Variants in SYTL3 observed in about 807,000 individuals in gnomAD.
The protein encoded by SYTL3 is synaptotagmin like 3, also known as synaptotagmin-like protein 3.
In SYTL3, 88 loss-of-function variants were observed where a neutral mutation model predicts 82.1. That is an observed-to-expected ratio of 1.07 (90% CI 0.90 to 1.28). SYTL3 has a LOEUF of 1.28. Among genes scored for constraint, SYTL3 ranks in the 50% most tolerant of loss-of-function variants. SYTL3 has a pLI of 0.00. For synonymous variants in SYTL3, 311 were observed against 289.4 expected (o/e 1.07, Z -0.76); for missense variants, 831 against 757.6 (o/e 1.10, Z -1.14).
chr6:158,763,262 G>A (rs373723948), intron 16 of SYTL3, 42 bp from the exon 17 acceptor site: 53 of 1,592,222 alleles, frequency 3.3e-5, no homozygotes, highest in African/African-American at 2.5e-4. Context: ...AGAGAAGGCC[G>A]TGTGGATGGC....
At chr6:158,722,052 T>C (rs1340963479) in intron 10 of SYTL3, among the ~76,000 whole-genome samples, 1 of 152,232 alleles carries the variant, frequency 6.6e-6, no homozygotes, top group Non-Finnish European at 1.5e-5. Flanking sequence ...ATATTAATTA[T>C]AGAACACGGT....
At chr6:158,710,024 G>A (rs956154153) in intron 8 of SYTL3, among the ~76,000 whole-genome samples, 1 of 152,168 alleles carries the variant, frequency 6.6e-6, no homozygotes, top group Non-Finnish European at 1.5e-5. Context: ...AACAGAGCGC[G>A]ACTGTCTCTA....
intron 12 of SYTL3, among the ~76,000 whole-genome samples, chr6:158,751,104 G>A (rs557785058): frequency 1.3e-5 from 2 of 152,264 alleles, no homozygotes; most frequent in South Asian, 2.1e-4. Flanking sequence ...CCTCCTGGCC[G>A]ATTTCGAGTA....
chr6:158,667,567 C>CT (rs1261086694), intron 5 of SYTL3, among the ~76,000 whole-genome samples: 1 of 152,182 alleles, frequency 6.6e-6, no homozygotes, highest in East Asian at 1.9e-4. Flanking sequence ...ACTTTAGAAT[C>CT]TTTGACATTC....
At chr6:158,654,049 G>C (rs1337213849) in intron 2 of SYTL3, among the ~76,000 whole-genome samples, 2 of 152,150 alleles carry the variant, frequency 1.3e-5, no homozygotes, top group Non-Finnish European at 2.9e-5. Context: ...AAGATTTGCT[G>C]TTAGGCTGAG....
chr6:158,675,763 T>C (rs1204004955), intron 5 of SYTL3, among the ~76,000 whole-genome samples: 3 of 152,122 alleles, frequency 2.0e-5, no homozygotes, highest in Non-Finnish European at 4.4e-5. Context: ...CTGGCTAACA[T>C]GGTGAAACCC....
intron 11 of SYTL3, among the ~76,000 whole-genome samples, chr6:158,735,058 G>A (rs976453040): frequency 2.0e-5 from 3 of 152,124 alleles, no homozygotes; most frequent in East Asian, 1.9e-4. Flanking sequence ...TCCCACAGGC[G>A]TTTTGTACTC....
chr6:158,685,092 T>G (rs776434789), intron 6 of SYTL3, among the ~76,000 whole-genome samples: 6 of 152,288 alleles, frequency 3.9e-5, no homozygotes, highest in Non-Finnish European at 8.8e-5. Context: ...TAGGTAAGAT[T>G]TGCTACCAAT....
chr6:158,645,006 T>A, the SYTL3 span, among the ~76,000 whole-genome samples: 1 of 152,130 alleles, frequency 6.6e-6, no homozygotes, highest in Non-Finnish European at 1.5e-5. Context: ...AAAACACACG[T>A]ACAAAAGGCA....
chr6:158,710,563 A>G (rs1782648782), intron 8 of SYTL3, among the ~76,000 whole-genome samples: 1 of 152,186 alleles, frequency 6.6e-6, no homozygotes, highest in African/African-American at 2.4e-5. Context: ...AAGTGTCTGT[A>G]ATTTTTACCT....
In SYTL3 at chr6:158,764,688, C is replaced by A; in HGVS notation, c.*84C>A. 1 of 945,226 alleles carries A rather than the reference C, an allele frequency of 1.1e-6. No individual in the cohort carries two copies. 58.6% of individuals were successfully genotyped at this position (945,226 alleles called of 1,614,324 possible). On this transcript the variant is annotated 3_prime_UTR_variant, in exon 18 of 18. Transcript: ENST00000611299. ...GGGCTACGAACCAGGTGCAGGGTCC[C>A]AGCTGGAGACCCCTTTGACCTTGAG...
intron 9 of SYTL3, among the ~76,000 whole-genome samples, chr6:158,716,768 C>T (rs913377597): frequency 1.3e-5 from 2 of 152,110 alleles, no homozygotes; most frequent in Non-Finnish European, 2.9e-5. Flanking sequence ...GGATCCAAAG[C>T]CAGCCGGGGG....
At chr6:158,654,594 C>T (rs555429355) in intron 2 of SYTL3, among the ~76,000 whole-genome samples, 11 of 152,284 alleles carry the variant, frequency 7.2e-5, no homozygotes, top group African/African-American at 2.4e-4. Flanking sequence ...CCTTTTGAGT[C>T]GGGCTTGCTT....
chr6:158,716,142 G>A (rs1039470160), intron 9 of SYTL3, among the ~76,000 whole-genome samples: 34 of 152,326 alleles, frequency 2.2e-4, no homozygotes, highest in African/African-American at 7.0e-4. Flanking sequence ...TTATCAGTAC[G>A]TTTCTAGAAG....
intron 10 of SYTL3, among the ~76,000 whole-genome samples, chr6:158,719,024 C>T (rs1422901202): frequency 6.6e-6 from 1 of 152,140 alleles, no homozygotes; most frequent in African/African-American, 2.4e-5. Flanking sequence ...GAGTTCACGT[C>T]CTGCCTCCCG....
At chr6:158,745,706 T>C in intron 12 of SYTL3, 48 bp downstream of exon 12, 1 of 1,410,612 alleles carries the variant, frequency 7.1e-7, no homozygotes, top group South Asian at 1.4e-5. Context: ...GATTCCAAAA[T>C]GTATATGAAA....
Position 158,725,536 on chromosome 6 carries a change from A to G in SYTL3, c.754A>G (p.Asn252Asp). Residue 252 changes from asparagine to aspartate, a missense_variant, in exon 11 of 18, where the codon AAT becomes GAT. Coordinates refer to ENST00000611299, the MANE Select transcript of SYTL3 (RefSeq NM_001242394.2). ...TGCACCAGATATTCTGAAACCTCTC[A>G]ATCAAGAGGATCCCAAATGCTCTAC... ...VSAPDILKPL[N>D]QEDPKCSTNP... 1 of 1,614,190 alleles carries G rather than the reference A, an allele frequency of 6.2e-7. No individual in the cohort carries two copies. The highest frequency in any genetic ancestry group is 8.5e-7 in the Non-Finnish European group (1 of 1,180,026).
chr6:158,733,216 CACAT>C (rs1266788756), intron 11 of SYTL3, among the ~76,000 whole-genome samples: 1 of 152,336 alleles, frequency 6.6e-6, no homozygotes. Context: ...TGTTCACAGG[CACAT>C]ACAGCTCGCA....
chr6:158,678,330 G>A (rs1290318709), intron 5 of SYTL3, among the ~76,000 whole-genome samples: 3 of 152,138 alleles, frequency 2.0e-5, no homozygotes, highest in Non-Finnish European at 4.4e-5. Flanking sequence ...TCTACTTCTT[G>A]TCAGTTGAAT....
Sources: allele counts gnomAD v4.1 joint callset (sites outside exome capture counted in the v4.1 genomes callset), GRCh38; gene constraint gnomAD v4.1.1; transcripts MANE v1.5; gene names NCBI Gene and HGNC (gene_info 2026-07-23, HGNC 2026-07-21).